CNTN5: variants seen among roughly 807,000 people sequenced by gnomAD.
CNTN5 encodes contactin 5, also known as contactin-5.
Under a neutral mutation model 129.1 loss-of-function variants are expected in CNTN5, and 77 were observed. The observed-to-expected ratio is 0.60, with a 90% confidence interval of 0.50 to 0.72. The LOEUF is 0.72. CNTN5 is among the 30% of genes least tolerant of loss of function. CNTN5 has a pLI of 0.00. For missense variants in CNTN5, 1,478 were observed against 1,328.8 expected, an observed-to-expected ratio of 1.11 and a Z score of -1.75; for synonymous variants, 509 against 465.6, an observed-to-expected ratio of 1.09 and a Z score of -1.20.
intron 1 of CNTN5, chr11:99,049,705 C>T (rs1463764638): frequency 6.6e-6 from 1 of 152,106 alleles, no homozygotes; most frequent in Non-Finnish European, 1.5e-5. Flanking sequence ...GTTTCTGCAT[C>T]CACAGTTGGG....
At position 99,241,571 on chromosome 11, in the gene CNTN5, T is replaced by A. The variant is rs376419761; in HGVS notation, c.-209-83775T>A. Among the ~76,000 whole-genome samples, 21 of 152,206 alleles carry A rather than the reference T, an allele frequency of 1.4e-4. No individual in the cohort carries two copies. In the East Asian group the frequency reaches 2.1e-3, roughly 15 times the overall value. On this transcript the variant is annotated intron_variant, in intron 1 of 24. Transcript: ENST00000524871. ...TTATAAGGTTACATATACATATATG[T>A]GTGTGTAGGTAGGTAGACAGATTGA...
At chr11:100,015,996 A>G (rs1392143859) in intron 9 of CNTN5, among the ~76,000 whole-genome samples, 1 of 152,126 alleles carries the variant, frequency 6.6e-6, no homozygotes, top group Non-Finnish European at 1.5e-5. Flanking sequence ...TGTACGTGAT[A>G]CATCATATTT....
chr11:100,274,153 A>G (rs1309230268), intron 18 of CNTN5, among the ~76,000 whole-genome samples: 2 of 152,234 alleles, frequency 1.3e-5, no homozygotes, highest in Non-Finnish European at 2.9e-5. Context: ...TGGTGCTGAG[A>G]TAACTGGCTA....
intron 21 of CNTN5, among the ~76,000 whole-genome samples, chr11:100,325,057 A>T (rs1222104147): frequency 6.6e-6 from 1 of 152,156 alleles, no homozygotes; most frequent in Non-Finnish European, 1.5e-5. Context: ...GAAACTGGAG[A>T]TGAACTAAAT....
intron 2 of CNTN5, among the ~76,000 whole-genome samples, chr11:99,329,461 C>A (rs1199649046): frequency 5.9e-5 from 9 of 152,156 alleles, no homozygotes; most frequent in Admixed American, 5.9e-4. Flanking sequence ...TTTCCATCCA[C>A]CTCTGCTCAC....
At chr11:99,099,799 C>T (rs182188771) in intron 1 of CNTN5, among the ~76,000 whole-genome samples, 177 of 152,162 alleles carry the variant, frequency 1.2e-3, no homozygotes, top group African/African-American at 4.0e-3. Flanking sequence ...TAAATCACTT[C>T]GAAAAAACTG....
At chr11:99,606,390 G>C (rs1366155637) in intron 3 of CNTN5, among the ~76,000 whole-genome samples, 1 of 137,384 alleles carries the variant, frequency 7.3e-6, no homozygotes, top group Admixed American at 7.3e-5. Context: ...CAACTTACAA[G>C]GGATGTGAAG....
chr11:99,086,053 T>C (rs1475837795), intron 1 of CNTN5, among the ~76,000 whole-genome samples: 1 of 152,242 alleles, frequency 6.6e-6, no homozygotes, highest in Non-Finnish European at 1.5e-5. Flanking sequence ...GTTGAGCCCA[T>C]TGAGCACTTT....
chr11:99,245,254 T>C (rs73534949), intron 1 of CNTN5, among the ~76,000 whole-genome samples: 1 of 152,174 alleles, frequency 6.6e-6, no homozygotes, highest in African/African-American at 2.4e-5. Flanking sequence ...ACTGGAGATA[T>C]AACTGCATTT....
intron 8 of CNTN5, among the ~76,000 whole-genome samples, chr11:99,972,638 C>T (rs1951295941): frequency 6.6e-6 from 1 of 152,140 alleles, no homozygotes; most frequent in African/African-American, 2.4e-5. Context: ...AAAGCAGAGT[C>T]CTTCAGAAAA....
At chr11:99,623,544 A>T (rs1951025329) in intron 3 of CNTN5, among the ~76,000 whole-genome samples, 1 of 152,082 alleles carries the variant, frequency 6.6e-6, no homozygotes, top group Non-Finnish European at 1.5e-5. Context: ...TGACTTACAT[A>T]ACCTCTCCAC....
intron 1 of CNTN5, among the ~76,000 whole-genome samples, chr11:99,310,489 A>G (rs778914696): frequency 6.6e-6 from 1 of 152,178 alleles, no homozygotes; most frequent in African/African-American, 2.4e-5. Context: ...TAAAATGTTT[A>G]TAATACAATT....
At chr11:99,616,635 A>T (rs1950768434) in intron 3 of CNTN5, among the ~76,000 whole-genome samples, 1 of 152,216 alleles carries the variant, frequency 6.6e-6, no homozygotes, top group Non-Finnish European at 1.5e-5. Context: ...GAGTTAGTGG[A>T]GGTTGCTGTG....
intron 1 of CNTN5, among the ~76,000 whole-genome samples, chr11:99,209,393 G>T (rs552121351): frequency 2.0e-5 from 3 of 152,254 alleles, no homozygotes; most frequent in Non-Finnish European, 4.4e-5. Flanking sequence ...GAAGGCAAAG[G>T]GGGAGTAGCT....
rs181101784 is a variant in CNTN5 at position 100,162,829 on chromosome 11, T to C, written c.1581-28297T>C. Among the ~76,000 whole-genome samples, 46 of 151,998 alleles carry C rather than the reference T, an allele frequency of 3.0e-4. No individual in the cohort carries two copies. The East Asian group carries it at 8.9e-3, about 30-fold the overall frequency. On this transcript the variant is annotated intron_variant, in intron 13 of 24. Transcript: ENST00000524871. ...GTATATTTCTTGGTAACTGCCTTTT[T>C]TCCCCAGTTGCTAAGTAATATTTCA...
chr11:99,057,532 C>A (rs992588896), intron 1 of CNTN5, among the ~76,000 whole-genome samples: 1 of 151,892 alleles, frequency 6.6e-6, no homozygotes, highest in Non-Finnish European at 1.5e-5. Context: ...GAGGATGGAT[C>A]GTTTGTTTCA....
intron 2 of CNTN5, among the ~76,000 whole-genome samples, chr11:99,510,153 C>T (rs543839556): frequency 7.9e-5 from 12 of 151,946 alleles, no homozygotes; most frequent in African/African-American, 2.9e-4. Context: ...ATAATATAGT[C>T]AAAAGACACA....
At chr11:99,027,174 T>C (rs1219341704) in intron 1 of CNTN5, among the ~76,000 whole-genome samples, 5 of 151,566 alleles carry the variant, frequency 3.3e-5, no homozygotes, top group Admixed American at 6.6e-5. Context: ...AAAAAAGGAT[T>C]TAAGTGATTT....
chr11:99,082,553 G>T (rs1865847679), intron 1 of CNTN5, among the ~76,000 whole-genome samples: 1 of 152,136 alleles, frequency 6.6e-6, no homozygotes, highest in South Asian at 2.1e-4. Flanking sequence ...TCATTTTAGT[G>T]CAAGGAATTA....
Sources: gnomAD v4.1 joint callset for allele counts (sites outside exome capture counted in the v4.1 genomes callset) on GRCh38, gnomAD v4.1.1 for gene constraint, MANE v1.5 for transcripts, NCBI Gene and HGNC (gene_info 2026-07-23, HGNC 2026-07-21) for gene names.